CTSF: variants seen among roughly 807,000 people sequenced by gnomAD.
CTSF encodes cathepsin F.
In CTSF, 65 loss-of-function variants were observed where a neutral mutation model predicts 63.5. That is an observed-to-expected ratio of 1.02 (90% confidence interval 0.84 to 1.26). CTSF has a LOEUF of 1.26. CTSF is among the 50% of genes most tolerant of loss of function. The pLI is 0.00. For missense variants in CTSF, 641 were observed against 631.0 expected (o/e 1.02, Z -0.17); for synonymous variants, 256 against 258.1 (o/e 0.99, Z 0.08).
intron 1 of CTSF, 75 bp downstream of exon 1, chr11:66,568,199 C>G: frequency 6.5e-7 from 1 of 1,529,768 alleles, no homozygotes; most frequent in Non-Finnish European, 8.8e-7. Flanking sequence ...GCGGGCAGGC[C>G]CCATCCCAAT....
intron 6 of CTSF, 37 bp from the exon 7 acceptor site, chr11:66,565,964 C>T (rs753277717): frequency 6.8e-6 from 11 of 1,614,020 alleles, no homozygotes; most frequent in Non-Finnish European, 9.3e-6. Context: ...CAGAGCCGGG[C>T]CCCTTCGTCA....
chr11:66,567,459 C>T lies in CTSF; in HGVS notation c.516G>A (p.Glu172=). ...TFSSVISLLN[E]DPLSQDLPVK... is the part of the protein sequence containing the mutation. Reference sequence around the variant, plus strand: ...GGCTCCTCACCTGGGACAGGGGATCCTCATTCAACAGGGAAATGACTGAGC... The same window carrying T: ...GGCTCCTCACCTGGGACAGGGGATCTTCATTCAACAGGGAAATGACTGAGC... Residue 172 remains glutamate, a synonymous_variant, in exon 3 of 13, where the codon GAG becomes GAA. Transcript: ENST00000310325. 2 of 1,614,150 alleles carry T rather than the reference C, an allele frequency of 1.2e-6. No homozygotes were observed. Among genetic ancestry groups the T allele is most frequent in the Non-Finnish European group, 1.7e-6 (2 of 1,180,032 alleles).
At position 66,568,316 on chromosome 11, in the gene CTSF, C is replaced by G. The variant is rs1475211531; in HGVS notation, c.171G>C (p.Gly57=). The stretch of plus-strand genomic sequence containing the variant: ...GCACAAGGCCCAGCACGGCCCGCGT[C>G]CCCGCAGCCCGGCCGCGGTTGAACA... ...LEMFNRGRAA[G]TRAVLGLVRG... is the part of the protein sequence containing the mutation. Residue 57 remains glycine, a synonymous_variant, in exon 1 of 13, where the codon GGG becomes GGC. Coordinates refer to ENST00000310325, the MANE Select transcript of CTSF (RefSeq NM_003793.4). The G allele has an allele frequency of 1.5e-6, 2 of 1,321,310 alleles. No homozygotes were observed. Among genetic ancestry groups the G allele is most frequent in the Admixed American group, 8.4e-5 (2 of 23,914 alleles). The allele number at this position is 1,321,310 out of a possible 1,614,324, so 81.8% of individuals were successfully genotyped here. A position where few individuals can be genotyped will look rare whatever the true frequency, so the allele number is the denominator to read the frequency against.
chr11:66,564,364 A>G, intron 11 of CTSF, 194 bp downstream of exon 11: 1 of 762,234 alleles, frequency 1.3e-6, no homozygotes, highest in Non-Finnish European at 2.1e-6. Context: ...TTAGGCCATC[A>G]ATATTTACCC....
intron 3 of CTSF, 35 bp downstream of exon 3, chr11:66,567,409 C>T: frequency 6.2e-7 from 1 of 1,602,002 alleles, no homozygotes; most frequent in Non-Finnish European, 8.5e-7. Context: ...GCTGGCTCCT[C>T]AAGCTGAGGG....
chr11:66,564,015 A>T lies in CTSF; in HGVS notation c.1381-8T>A. 1 of 1,613,658 alleles carries T rather than the reference A, an allele frequency of 6.2e-7. No individual in the cohort carries two copies. The highest frequency in any genetic ancestry group is 2.2e-5 in the East Asian group (1 of 44,864). On this transcript the variant is annotated splice_polypyrimidine_tract_variant and splice_region_variant and intron_variant, in intron 12 of 12. Transcript: ENST00000310325. ...ATGCAAGTAGTAGTAACCCTGGGGG[A>T]GAGGGGGAGCTGGTGAGGGCACCAG... is the stretch of plus-strand genomic sequence containing the variant.
Position 66,564,777 on chromosome 11 carries a change from G to C in CTSF, c.1195C>G (p.Pro399Ala). The C allele has an allele frequency of 6.2e-7, 1 of 1,614,052 alleles. No individual in the cohort carries two copies. The highest frequency in any genetic ancestry group is 2.2e-5 in the East Asian group (1 of 44,868). Reference sequence around the variant, plus strand: ...AAGGCATTGATGGCCACGGAGATTGGGCCTCTCTTGGCCAGCCAGGCTGCC... The same window carrying C: ...AAGGCATTGATGGCCACGGAGATTGCGCCTCTCTTGGCCAGCCAGGCTGCC... Reference protein sequence around the residue: ...KLAAWLAKRGPISVAINAFGM... With the variant: ...KLAAWLAKRGAISVAINAFGM... The change falls in exon 10 of 13, where the codon CCA becomes GCA. Residue 399 changes from proline (P) to alanine (A), a missense_variant. By Grantham distance (27) the Pro-to-Ala change is conservative. Transcript: ENST00000310325.
rs749210204 is a variant in CTSF, at chr11:66,564,790, C to T, written c.1182G>A (p.Leu394=). The change falls in exon 10 of 13, where the codon CTG becomes CTA. Residue 394 remains leucine (L), a synonymous_variant. Coordinates refer to ENST00000310325, the MANE Select transcript of CTSF (RefSeq NM_003793.4). The part of the protein sequence containing the change: ...SQNEQKLAAW[L]AKRGPISVAI... ...CCACGGAGATTGGGCCTCTCTTGGC[C>T]AGCCAGGCTGCCAGCTCTGAGATGG... The T allele has an allele frequency of 8.1e-6, 13 of 1,613,942 alleles. No homozygotes were observed. The African/African-American group carries it at 1.7e-4, about 22-fold the overall frequency.
Position 66,566,133 on chromosome 11 carries a change from G to T in CTSF, c.756C>A (p.Leu252=). 6.2e-7 allele frequency: 1 copy of T among 1,614,138 alleles called. No homozygotes were observed. The highest frequency in any genetic ancestry group is 1.1e-5 in the South Asian group (1 of 91,086). ...TCTTGTTGCCAGGCTCTTTCCTCAG[G>T]AGAGTATTCAGGTAGATAGTGCGGA... ...EEFRTIYLNT[L]LRKEPGNKMK... The change falls in exon 6 of 13, where the codon CTC becomes CTA. Residue 252 remains leucine (L), a synonymous_variant. Transcript: ENST00000310325.
chr11:66,564,596 A>G lies in CTSF; in HGVS notation c.1283T>C (p.Leu428Pro), dbSNP rs933983229. ...RPLRPLCSPW[L>P]IDHAVLLVGY... ...CACAAGCAACACCGCATGGTCAATG[A>G]GCCAAGGGCTGCAGAGGGGCCGGAG... Residue 428 changes from leucine (L) to proline (P), a missense_variant, in exon 11 of 13, where the codon CTC becomes CCC. Transcript: ENST00000310325. 8.8e-6 allele frequency: 14 copies of G among 1,592,678 alleles called. No individual in the cohort carries two copies. The highest frequency in any genetic ancestry group is 1.2e-5 in the Non-Finnish European group (14 of 1,170,126).
rs74759728 is a variant in CTSF, at chr11:66,568,589, G to T, written c.-103C>A. ...GCCTGAGTCCTCCCTCCAGCGGGGC[G>T]ACGGCACGCCGACCAATGGGCGCTG... On this transcript the variant is annotated 5_prime_UTR_variant, in exon 1 of 13. Coordinates refer to ENST00000310325, the MANE Select transcript of CTSF (RefSeq NM_003793.4). 6 of 1,330,002 alleles carry T rather than the reference G, an allele frequency of 4.5e-6. No individual in the cohort carries two copies. Among genetic ancestry groups the T allele is most frequent in the East Asian group, 6.2e-5 (2 of 32,202 alleles). 82.4% of individuals were successfully genotyped at this position (1,330,002 alleles called of 1,614,324 possible).
In CTSF at chr11:66,563,820, C is replaced by T. The variant is rs1487629394; in HGVS notation, c.*113G>A. On this transcript the variant is annotated 3_prime_UTR_variant, in exon 13 of 13. Coordinates refer to ENST00000310325, the MANE Select transcript of CTSF (RefSeq NM_003793.4). ...AGTGCCCTCTGCTCACCCTGAGGTA[C>T]CCAGTGCCTTTCCCTCTGCCAGCTG... 3 of 1,331,672 alleles carry T rather than the reference C, an allele frequency of 2.3e-6. No individual in the cohort carries two copies. Among genetic ancestry groups the T allele is most frequent in the Middle Eastern group, 5.1e-4 (2 of 3,906 alleles). The allele number at this position is 1,331,672 out of a possible 1,614,324, so 82.5% of individuals were successfully genotyped here. A position where few individuals can be genotyped will look rare whatever the true frequency, so the allele number is the denominator to read the frequency against.
rs988569976 is a variant in CTSF, at chr11:66,567,650, G to A, written c.325C>T (p.Gln109Ter). 6.2e-7 allele frequency: 1 copy of A among 1,613,900 alleles called. No individual in the cohort carries two copies. The highest frequency in any genetic ancestry group is 8.5e-7 in the Non-Finnish European group (1 of 1,179,962). The change falls in exon 3 of 13, where the codon CAA (glutamine) becomes TAA (stop). Residue 109 changes from glutamine to a stop codon, truncating the protein, a stop_gained. Coordinates refer to ENST00000310325, the MANE Select transcript of CTSF (RefSeq NM_003793.4). LOFTEE classifies it high-confidence loss of function. ...TGTCTTCCGAGCTCATCCAGGACTT[G>A]GAAGCTGCAGAGCTGGAGGGAGAGG... is the stretch of plus-strand genomic sequence containing the variant. ...VSKKTLLCSF[Q>*]VLDELGRHVL...
intron 1 of CTSF, 59 bp downstream of exon 1, chr11:66,568,215 G>GT (rs1422901238): frequency 8.5e-6 from 13 of 1,527,676 alleles, no homozygotes; most frequent in Middle Eastern, 2.3e-4. Flanking sequence ...CCAATGTTAG[G>GT]TCAAAGCTCC....
intron 2 of CTSF, 56 bp downstream of exon 2, chr11:66,567,928 C>T (rs191491162): frequency 2.6e-6 from 4 of 1,536,712 alleles, no homozygotes; most frequent in Non-Finnish European, 3.5e-6. Context: ...CGTCATCATC[C>T]AACTGCTGCT....
intron 8 of CTSF, among the ~76,000 whole-genome samples, chr11:66,565,214 G>C (rs1017118748): frequency 6.6e-6 from 1 of 152,178 alleles, no homozygotes; most frequent in Non-Finnish European, 1.5e-5. Context: ...AGCAAGAAAA[G>C]TGGCAGAGAC....
At chr11:66,564,693 G>T (rs772558572) in intron 10 of CTSF, 45 bp from the exon 11 acceptor site, 1 of 1,612,922 alleles carries the variant, frequency 6.2e-7, no homozygotes. Context: ...AGAAGAGGTC[G>T]GGGAGGTCAA....
In CTSF at chr11:66,565,023, G is replaced by C. The variant is rs767740304; in HGVS notation, c.1046-17C>G. 1.2e-5 allele frequency: 18 copies of C among 1,541,160 alleles called. No individual in the cohort carries two copies. The Admixed American group carries it at 3.1e-4, about 27-fold the overall frequency. On this transcript the variant is annotated splice_polypyrimidine_tract_variant and intron_variant, in intron 8 of 12. Coordinates refer to ENST00000310325, the MANE Select transcript of CTSF (RefSeq NM_003793.4). ...CCAGCCCTCCTGGGGAACGGTGGGG[G>C]TGAGTAGAGAAGGGCAGGCTCCCAT...
At chr11:66,567,911 C>G in intron 2 of CTSF, 73 bp downstream of exon 2, 2 of 1,516,026 alleles carry the variant, frequency 1.3e-6, no homozygotes, top group Non-Finnish European at 1.8e-6. Context: ...TGCGTCTTGA[C>G]CTGACCCGTC....
Sources: gnomAD v4.1 joint callset for allele counts (sites outside exome capture counted in the v4.1 genomes callset) on GRCh38, gnomAD v4.1.1 for gene constraint, MANE v1.5 for transcripts, NCBI Gene and HGNC (gene_info 2026-07-23, HGNC 2026-07-21) for gene names.